The following IYD variants were observed in gnomAD, a reference collection of about 807,000 sequenced individuals.
IYD encodes iodotyrosine deiodinase 1.
IYD carries 25 observed loss-of-function variants against 28.4 expected under a neutral mutation model. That is an observed-to-expected ratio of 0.88 (90% confidence interval 0.64 to 1.23). The LOEUF (loss-of-function observed/expected upper bound fraction) is 1.23. Among genes scored for constraint, IYD ranks in the 50% most tolerant of loss-of-function variants. The probability of loss-of-function intolerance (pLI) is 0.00; values close to 1 mark genes in which losing one functional copy is unlikely to be tolerated. For synonymous variants in IYD, 140 were observed against 130.8 expected (o/e 1.07, Z -0.48); for missense variants, 352 against 357.9 (o/e 0.98, Z 0.13).
chr6:150,398,324 C>A lies in IYD; in HGVS notation c.*87C>A. On this transcript the variant is annotated 3_prime_UTR_variant, in exon 5 of 5. Transcript: ENST00000344419. ...CTGCTCCTCTTGGGTCTCTTGGCTG[C>A]TCTTTCTCCAGGTGTCAGGTCCCCT... 7.4e-7 allele frequency: 1 copy of A among 1,353,092 alleles called. No homozygotes were observed. Among genetic ancestry groups the A allele is most frequent in the Non-Finnish European group, 1.1e-6 (1 of 950,938 alleles). 83.8% of individuals were successfully genotyped at this position (1,353,092 alleles called of 1,614,324 possible).
In IYD at chr6:150,398,318, T is replaced by C; in HGVS notation, c.*81T>C. 7.2e-7 allele frequency: 1 copy of C among 1,397,452 alleles called. No individual in the cohort carries two copies. The highest frequency in any genetic ancestry group is 1.0e-6 in the Non-Finnish European group (1 of 989,378). 86.6% of individuals were successfully genotyped at this position (1,397,452 alleles called of 1,614,324 possible). On this transcript the variant is annotated 3_prime_UTR_variant, in exon 5 of 5. Transcript: ENST00000344419. Reference sequence around the variant, plus strand: ...TCTCGCCTGCTCCTCTTGGGTCTCTTGGCTGCTCTTTCTCCAGGTGTCAGG... The same window carrying C: ...TCTCGCCTGCTCCTCTTGGGTCTCTCGGCTGCTCTTTCTCCAGGTGTCAGG...
chr6:150,382,863 T>C (rs150810935), intron 1 of IYD, among the ~76,000 whole-genome samples: 2 of 152,244 alleles, frequency 1.3e-5, no homozygotes, highest in Non-Finnish European at 2.9e-5. Context: ...TTGTATTTCT[T>C]TGGACATAGT....
At chr6:150,374,940 CT>C (rs1728868854) in intron 1 of IYD, among the ~76,000 whole-genome samples, 1 of 152,086 alleles carries the variant, frequency 6.6e-6, no homozygotes, top group Non-Finnish European at 1.5e-5. Context: ...TCAGAAAGCC[CT>C]TTTTGCTCTG....
intron 1 of IYD, 98 bp downstream of exon 1, chr6:150,369,307 C>T (rs1407065137): frequency 2.5e-5 from 29 of 1,177,288 alleles, no homozygotes; most frequent in Non-Finnish European, 3.2e-5. Flanking sequence ...GAAACACACA[C>T]AGGCCAGCTT....
At chr6:150,381,026 C>T (rs576320649) in intron 1 of IYD, among the ~76,000 whole-genome samples, 1 of 152,276 alleles carries the variant, frequency 6.6e-6, no homozygotes, top group Non-Finnish European at 1.5e-5. Flanking sequence ...CTGTCTTCTT[C>T]CCTCATCAGC....
intron 1 of IYD, among the ~76,000 whole-genome samples, chr6:150,371,120 G>C (rs1228287581): frequency 1.3e-5 from 2 of 152,198 alleles, no homozygotes; most frequent in Non-Finnish European, 2.9e-5. Flanking sequence ...AAATGTACTA[G>C]AGAAAGGGAG....
chr6:150,395,741 T>C, intron 4 of IYD: 1 of 695,816 alleles, frequency 1.4e-6, no homozygotes. Flanking sequence ...CATGCATGTC[T>C]TGTAGAGGCA....
chr6:150,378,963 A>T (rs1301045499), intron 1 of IYD, among the ~76,000 whole-genome samples: 1 of 152,204 alleles, frequency 6.6e-6, no homozygotes, highest in Admixed American at 6.5e-5. Flanking sequence ...GGTCATGCTC[A>T]TCGCTTCCAG....
intron 4 of IYD, chr6:150,396,652 A>T (rs7769542): frequency 0.12 from 50,068 of 426,302 alleles, 7,995 homozygotes; most frequent in African/African-American, 0.49. Context: ...AGGCGGGCGG[A>T]TCACGAGGTC....
In IYD at chr6:150,399,001, C is replaced by T. The variant is rs1248953960; in HGVS notation, c.*764C>T. On this transcript the variant is annotated 3_prime_UTR_variant, in exon 5 of 5. Transcript: ENST00000344419. ...AGTGAGTCAAGATGCTGAGATGCCA[C>T]CACTGCACTCCAGCCTGGGCAACAG... 6.6e-6 allele frequency: 1 copy of T among 152,280 alleles called. No individual in the cohort carries two copies. The highest frequency in any genetic ancestry group is 1.9e-4 in the East Asian group (1 of 5,194). 9.4% of individuals were successfully genotyped at this position (152,280 alleles called of 1,614,324 possible).
At chr6:150,395,343 A>C in intron 4 of IYD, 1 of 1,317,878 alleles carries the variant, frequency 7.6e-7, no homozygotes, top group Non-Finnish European at 1.0e-6. Context: ...AAAGAAAAAC[A>C]TGTATGTTGA....
chr6:150,395,464 G>A (rs1476659652), intron 4 of IYD: 2 of 1,537,042 alleles, frequency 1.3e-6, no homozygotes, highest in African/African-American at 2.7e-5. Context: ...GGTAAATAAT[G>A]GAATCACCAT....
intron 1 of IYD, among the ~76,000 whole-genome samples, chr6:150,386,865 A>G (rs1203129701): frequency 6.6e-6 from 1 of 152,196 alleles, no homozygotes; most frequent in African/African-American, 2.4e-5. Context: ...TTTTAGGTGT[A>G]TCCCTTATAA....
chr6:150,385,549 T>C (rs1777830321), intron 1 of IYD, among the ~76,000 whole-genome samples: 1 of 137,572 alleles, frequency 7.3e-6, no homozygotes, highest in Non-Finnish European at 1.6e-5. Context: ...CTGGGATAAT[T>C]CTAACTTGGC....
intron 1 of IYD, among the ~76,000 whole-genome samples, chr6:150,380,242 G>T (rs995576291): frequency 6.6e-6 from 1 of 152,074 alleles, no homozygotes; most frequent in Non-Finnish European, 1.5e-5. Context: ...CTGAAAACTT[G>T]TTTTTTCCCA....
At chr6:150,372,978 C>G (rs951575243) in intron 1 of IYD, among the ~76,000 whole-genome samples, 2 of 152,100 alleles carry the variant, frequency 1.3e-5, no homozygotes, top group Non-Finnish European at 2.9e-5. Context: ...CCCACAAATC[C>G]TCTAGTTAGG....
chr6:150,378,791 G>T (rs1309773296), intron 1 of IYD, among the ~76,000 whole-genome samples: 1 of 152,112 alleles, frequency 6.6e-6, no homozygotes, highest in African/African-American at 2.4e-5. Flanking sequence ...CCATTACTGG[G>T]TATATACCCA....
Position 150,370,048 on chromosome 6 carries a change from A to T in IYD, c.178+839A>T, listed in dbSNP as rs1477251126. 1.0e-5 allele frequency: 7 copies of T among 702,072 alleles called. No homozygotes were observed. In the African/African-American group the frequency reaches 1.0e-4, roughly 11 times the overall value. The allele number at this position is 702,072 out of a possible 1,614,324, so 43.5% of individuals were successfully genotyped here. A position where few individuals can be genotyped will look rare whatever the true frequency, so the allele number is the denominator to read the frequency against. On this transcript the variant is annotated intron_variant, in intron 1 of 4. Coordinates refer to ENST00000344419, the MANE Select transcript of IYD (RefSeq NM_203395.3). Reference sequence around the variant, plus strand: ...AGAGAGCGTGGAGGAAGCTTGAGCCATCTGTGTTTGAGAAGCTTTGTCTGG... The same window carrying T: ...AGAGAGCGTGGAGGAAGCTTGAGCCTTCTGTGTTTGAGAAGCTTTGTCTGG...
At chr6:150,373,864 A>T (rs1343299826) in intron 1 of IYD, among the ~76,000 whole-genome samples, 1 of 152,230 alleles carries the variant, frequency 6.6e-6, no homozygotes, top group African/African-American at 2.4e-5. Flanking sequence ...ATACTTTCAC[A>T]TGGCTAATTT....
Sources: allele counts gnomAD v4.1 joint callset (sites outside exome capture counted in the v4.1 genomes callset), GRCh38; gene constraint gnomAD v4.1.1; transcripts MANE v1.5; gene names NCBI Gene and HGNC (gene_info 2026-07-23, HGNC 2026-07-21).